Variants in COL4A2 observed in about 807,000 individuals in gnomAD.
COL4A2 encodes collagen type IV alpha 2 chain.
COL4A2 carries 99 observed loss-of-function variants against 200.2 expected under a neutral mutation model. That is an observed-to-expected ratio of 0.49 (90% CI 0.42 to 0.58). COL4A2 has a LOEUF of 0.58. Ranked by LOEUF, COL4A2 falls within the 20% of genes least tolerant of loss-of-function variation. The pLI, the probability that COL4A2 is intolerant of heterozygous loss-of-function variation, is 0.00. For missense variants in COL4A2, 1,950 were observed against 2,314.1 expected (o/e 0.84, Z 3.23); for synonymous variants, 897 against 900.6 (o/e 1.00, Z 0.07).
intron 37 of COL4A2, 90 bp downstream of exon 37, chr13:110,491,430 A>G: frequency 1.2e-6 from 1 of 862,850 alleles, no homozygotes; most frequent in South Asian, 1.4e-5. Flanking sequence ...ATTTCCTCCA[A>G]TCACACCCAA....
At chr13:110,489,377 T>G in intron 34 of COL4A2, 68 bp from the exon 35 acceptor site, 76 of 1,431,840 alleles carry the variant, frequency 5.3e-5, no homozygotes, top group Non-Finnish European at 6.8e-5. Flanking sequence ...GTTAAATAAG[T>G]GAGCTAACTT....
chr13:110,410,248 C>T (rs1018416225), intron 4 of COL4A2, among the ~76,000 whole-genome samples: 2 of 152,208 alleles, frequency 1.3e-5, no homozygotes, highest in East Asian at 1.9e-4. Flanking sequence ...CCTGTCCCCT[C>T]GCAGGGCTTG....
chr13:110,489,702 A>G lies in COL4A2; in HGVS notation c.3272-9A>G. ...TCCTGTTCTTAGCCGTCTTTTTTGC[A>G]TGTAACAGGTGACATCGGGGACACT... On this transcript the variant is annotated splice_polypyrimidine_tract_variant and intron_variant, in intron 35 of 47. Transcript: ENST00000360467. 1 of 1,614,222 alleles carries G rather than the reference A, an allele frequency of 6.2e-7. No individual in the cohort carries two copies. The highest frequency in any genetic ancestry group is 8.5e-7 in the Non-Finnish European group (1 of 1,180,028).
chr13:110,462,847 T>C (rs140980308), intron 24 of COL4A2, among the ~76,000 whole-genome samples: 1 of 152,298 alleles, frequency 6.6e-6, no homozygotes, highest in East Asian at 1.9e-4. Context: ...GAGGCAGCCA[T>C]GGAGGGAGAC....
intron 34 of COL4A2, among the ~76,000 whole-genome samples, chr13:110,488,849 A>G (rs1883193361): frequency 6.6e-6 from 1 of 152,088 alleles, no homozygotes; most frequent in Admixed American, 6.6e-5. Flanking sequence ...ACATCACCAC[A>G]CTGTCGTGAT....
At chr13:110,482,097 C>T (rs1882953869) in intron 31 of COL4A2, among the ~76,000 whole-genome samples, 1 of 152,264 alleles carries the variant, frequency 6.6e-6, no homozygotes, top group Non-Finnish European at 1.5e-5. Flanking sequence ...CCTCTCCTTC[C>T]GGTGCTGGCG....
At chr13:110,474,761 TCA>T (rs1882627719) in intron 29 of COL4A2, among the ~76,000 whole-genome samples, 1 of 70,172 alleles carries the variant, frequency 1.4e-5, no homozygotes, top group African/African-American at 6.3e-5. Flanking sequence ...CACTCACACA[TCA>T]CACACGCACG....
At chr13:110,501,008 A>G (rs1353766022) in intron 40 of COL4A2, among the ~76,000 whole-genome samples, 2 of 152,244 alleles carry the variant, frequency 1.3e-5, no homozygotes, top group African/African-American at 4.8e-5. Context: ...ACGTGTGTAC[A>G]GTATGAGCTG....
intron 3 of COL4A2, among the ~76,000 whole-genome samples, chr13:110,341,246 C>A (rs767787532): frequency 1.3e-5 from 2 of 152,232 alleles, no homozygotes; most frequent in African/African-American, 2.4e-5. Flanking sequence ...GAGTGTCAGA[C>A]CAACACCGCC....
chr13:110,353,921 A>G (rs181470576), intron 3 of COL4A2, among the ~76,000 whole-genome samples: 10 of 152,350 alleles, frequency 6.6e-5, no homozygotes, highest in Admixed American at 6.5e-5. Flanking sequence ...GAAAAGTGTT[A>G]CTGGGAGGTA....
At chr13:110,434,575 G>C in intron 12 of COL4A2, 133 bp downstream of exon 12, 1 of 883,418 alleles carries the variant, frequency 1.1e-6, no homozygotes. Flanking sequence ...CATTTGCATA[G>C]GGAAATAATC....
At chr13:110,315,472 T>A (rs1323830814) in intron 3 of COL4A2, among the ~76,000 whole-genome samples, 1 of 152,222 alleles carries the variant, frequency 6.6e-6, no homozygotes, top group Non-Finnish European at 1.5e-5. Context: ...CTTGGCTCCC[T>A]GCAACCTCTG....
intron 38 of COL4A2, 141 bp from the exon 39 acceptor site, chr13:110,493,067 AGTG>A: frequency 1.6e-5 from 14 of 862,454 alleles, no homozygotes; most frequent in South Asian, 8.4e-5. Flanking sequence ...AATAACGATG[AGTG>A]ACACCCCCAT....
chr13:110,322,243 G>A (rs1284943786), intron 3 of COL4A2, among the ~76,000 whole-genome samples: 3 of 152,196 alleles, frequency 2.0e-5, no homozygotes, highest in Non-Finnish European at 4.4e-5. Flanking sequence ...TCTCGGAGGC[G>A]GCCTGCCCGT....
At chr13:110,322,727 C>G (rs1309636968) in intron 3 of COL4A2, among the ~76,000 whole-genome samples, 1 of 152,214 alleles carries the variant, frequency 6.6e-6, no homozygotes, top group Non-Finnish European at 1.5e-5. Flanking sequence ...CCCTTCTTCC[C>G]TGCTAGACTT....
chr13:110,380,540 C>T (rs1002651707), intron 4 of COL4A2, among the ~76,000 whole-genome samples: 7 of 152,314 alleles, frequency 4.6e-5, no homozygotes, highest in African/African-American at 1.7e-4. Context: ...GTTTTCTATG[C>T]ACACACTCAC....
intron 34 of COL4A2, among the ~76,000 whole-genome samples, chr13:110,487,164 G>C (rs1883144311): frequency 6.6e-6 from 1 of 152,164 alleles, no homozygotes; most frequent in South Asian, 2.1e-4. Flanking sequence ...AAAAAAGAAA[G>C]ATGCCAGCCA....
At chr13:110,336,022 C>T (rs1211728931) in intron 3 of COL4A2, among the ~76,000 whole-genome samples, 1 of 152,228 alleles carries the variant, frequency 6.6e-6, no homozygotes, top group East Asian at 1.9e-4. Context: ...TTCATTACTT[C>T]TAACCCACCT....
chr13:110,395,995 A>G (rs1042753373), intron 4 of COL4A2, among the ~76,000 whole-genome samples: 6 of 152,262 alleles, frequency 3.9e-5, no homozygotes, highest in African/African-American at 1.4e-4. Flanking sequence ...AATAAAGTAC[A>G]TAAAAAGTAA....
Sources: allele counts gnomAD v4.1 joint callset (sites outside exome capture counted in the v4.1 genomes callset), GRCh38; gene constraint gnomAD v4.1.1; transcripts MANE v1.5; gene names NCBI Gene and HGNC (gene_info 2026-07-23, HGNC 2026-07-21).